The following HHIP variants were observed in gnomAD, a reference collection of about 807,000 sequenced individuals.
HHIP encodes hedgehog-interacting protein.
In HHIP, 12 loss-of-function variants were observed where a neutral mutation model predicts 74.0. The observed-to-expected ratio is 0.16, with a 90% CI of 0.10 to 0.26. The LOEUF is 0.26. Among genes scored for constraint, HHIP ranks in the 10% least tolerant of loss-of-function variants. The pLI is 1.00. For missense variants in HHIP, 788 were observed against 845.0 expected (o/e 0.93, Z 0.84); for synonymous variants, 309 against 311.6 (o/e 0.99, Z 0.09).
intron 4 of HHIP, among the ~76,000 whole-genome samples, chr4:144,703,403 A>G (rs1304290999): frequency 2.6e-5 from 4 of 152,196 alleles, no homozygotes; most frequent in African/African-American, 4.8e-5. Flanking sequence ...ACTCAGTTCA[A>G]TAATTGACAT....
At chr4:144,675,834 C>T (rs1729155751) in intron 4 of HHIP, among the ~76,000 whole-genome samples, 1 of 152,080 alleles carries the variant, frequency 6.6e-6, no homozygotes. Flanking sequence ...TGGAATATTT[C>T]CATAATCTCT....
intron 10 of HHIP, among the ~76,000 whole-genome samples, chr4:144,716,847 C>T (rs34559722): frequency 2.6e-5 from 2 of 76,472 alleles, no homozygotes; most frequent in South Asian, 8.1e-4. Context: ...AAAACTCCGT[C>T]TCAAAAGAAA....
chr4:144,701,278 G>A (rs17019634), intron 4 of HHIP, among the ~76,000 whole-genome samples: 2 of 150,954 alleles, frequency 1.3e-5, no homozygotes, highest in African/African-American at 2.4e-5. Flanking sequence ...TAGAAACTCC[G>A]CTTACTTCTT....
rs1158625028 is a variant in HHIP at position 144,741,020 on chromosome 4, C to T, written c.*3063C>T. 2.0e-5 allele frequency: 3 copies of T among 152,100 alleles called. No homozygotes were observed. Among genetic ancestry groups the T allele is most frequent in the Admixed American group, 1.3e-4 (2 of 15,268 alleles). 9.4% of individuals were successfully genotyped at this position (152,100 alleles called of 1,614,324 possible). A position where few individuals can be genotyped will look rare whatever the true frequency, so the allele number is the denominator to read the frequency against. On this transcript the variant is annotated 3_prime_UTR_variant, in exon 13 of 13. Coordinates refer to ENST00000296575, the MANE Select transcript of HHIP (RefSeq NM_022475.3). ...GTTATTTAAGGTAATAAAAGGAACA[C>T]AATTTGGCAGATCTTTAAGTGAAAG...
intron 4 of HHIP, among the ~76,000 whole-genome samples, chr4:144,671,318 GT>G (rs59957249): frequency 0.52 from 74,283 of 142,656 alleles, 18,677 homozygotes; most frequent in South Asian, 0.76. Flanking sequence ...CAAGGAGGGT[GT>G]TTTTTTTTTT....
At position 144,740,300 on chromosome 4, in the gene HHIP, T is replaced by C. The variant is rs1412143289; in HGVS notation, c.*2343T>C. 2 of 152,200 alleles carry C rather than the reference T, an allele frequency of 1.3e-5. No homozygotes were observed. The highest frequency in any genetic ancestry group is 1.3e-4 in the Admixed American group (2 of 15,274). 9.4% of individuals were successfully genotyped at this position (152,200 alleles called of 1,614,324 possible). On this transcript the variant is annotated 3_prime_UTR_variant, in exon 13 of 13. Transcript: ENST00000296575. The stretch of plus-strand genomic sequence containing the variant: ...TAGTTCTACTGTTTTAAAATATCTA[T>C]ATTAAGTTGACCAGGCCCAGATTTT...
Position 144,742,983 on chromosome 4 carries a change from ACAT to A in HHIP, c.*5027_*5029del, listed in dbSNP as rs1560729154. On this transcript the variant is annotated 3_prime_UTR_variant, in exon 13 of 13. Coordinates refer to ENST00000296575, the MANE Select transcript of HHIP (RefSeq NM_022475.3). ...ATATAAGATATATGTATATATATAT[ACAT>A]TATATATATATAATATATATATATT... 208 of 1,970 alleles carry A rather than the reference ACAT, an allele frequency of 0.11. 2 individuals are homozygous for A. The highest frequency in any genetic ancestry group is 0.22 in the Non-Finnish European group (175 of 800). The allele number at this position is 1,970 out of a possible 1,614,324, so 0.1% of individuals were successfully genotyped here.
rs1731343016 is a variant in HHIP at position 144,744,895 on chromosome 4, C to T, written c.*6938C>T. 6.6e-6 allele frequency: 1 copy of T among 152,116 alleles called. No individual in the cohort carries two copies. The highest frequency in any genetic ancestry group is 2.1e-4 in the South Asian group (1 of 4,830). The allele number at this position is 152,116 out of a possible 1,614,324, so 9.4% of individuals were successfully genotyped here. A position where few individuals can be genotyped will look rare whatever the true frequency, so the allele number is the denominator to read the frequency against. ...ATTCAGCAGTAACAGTACAGATGGC[C>T]TAAAGTACATCTGTGTGTATCTGTA... On this transcript the variant is annotated 3_prime_UTR_variant, in exon 13 of 13. Transcript: ENST00000296575.
intron 4 of HHIP, among the ~76,000 whole-genome samples, chr4:144,689,335 A>G (rs144331648): frequency 2.0e-5 from 3 of 152,340 alleles, no homozygotes; most frequent in African/African-American, 4.8e-5. Flanking sequence ...CATCATAATG[A>G]TGACTGACTT....
intron 4 of HHIP, among the ~76,000 whole-genome samples, chr4:144,669,856 A>G (rs1260343567): frequency 6.6e-6 from 1 of 151,968 alleles, no homozygotes; most frequent in Non-Finnish European, 1.5e-5. Context: ...CTTTAAGAGT[A>G]GCTAAACTGG....
chr4:144,730,623 T>C (rs1730926924), intron 11 of HHIP, among the ~76,000 whole-genome samples: 1 of 152,142 alleles, frequency 6.6e-6, no homozygotes, highest in South Asian at 2.1e-4. Context: ...AGAAAATGGG[T>C]TAATGCATCA....
rs200709923 is a variant in HHIP, at chr4:144,646,636, C to A, written c.-40C>A. The A allele has an allele frequency of 3.1e-6, 5 of 1,591,270 alleles. No homozygotes were observed. The highest frequency in any genetic ancestry group is 2.7e-5 in the African/African-American group (2 of 74,462). On this transcript the variant is annotated 5_prime_UTR_variant, in exon 1 of 13. Coordinates refer to ENST00000296575, the MANE Select transcript of HHIP (RefSeq NM_022475.3). ...CCCTGCTGGGCAGTGGCGTTCCCCCCCATCCTCCCGCGCCCAGCCCCTGCT... is the reference window on the plus strand; with the variant it reads ...CCCTGCTGGGCAGTGGCGTTCCCCCACATCCTCCCGCGCCCAGCCCCTGCT...
At chr4:144,720,984 A>C (rs1730615451) in intron 11 of HHIP, among the ~76,000 whole-genome samples, 1 of 152,174 alleles carries the variant, frequency 6.6e-6, no homozygotes, top group African/African-American at 2.4e-5. Context: ...TTGTTTTTCT[A>C]AAATTTTTGA....
intron 4 of HHIP, among the ~76,000 whole-genome samples, chr4:144,671,866 C>A (rs1455253052): frequency 6.6e-6 from 1 of 152,094 alleles, no homozygotes; most frequent in Non-Finnish European, 1.5e-5. Flanking sequence ...CACCTGTAAT[C>A]TCAGCTACTT....
chr4:144,692,984 G>A (rs1171905897), intron 4 of HHIP, among the ~76,000 whole-genome samples: 1 of 152,132 alleles, frequency 6.6e-6, no homozygotes, highest in Non-Finnish European at 1.5e-5. Context: ...GACACATGAG[G>A]ACATGGAAGC....
intron 4 of HHIP, among the ~76,000 whole-genome samples, chr4:144,687,711 A>G (rs1450690642): frequency 6.9e-6 from 1 of 144,276 alleles, no homozygotes; most frequent in Non-Finnish European, 1.5e-5. Context: ...TGGTCTAGTC[A>G]GTGCTTTAGA....
At chr4:144,688,462 G>A (rs1209436846) in intron 4 of HHIP, among the ~76,000 whole-genome samples, 1 of 152,124 alleles carries the variant, frequency 6.6e-6, no homozygotes, top group African/African-American at 2.4e-5. Context: ...TGGGGAAAAG[G>A]CACACCTGTG....
At chr4:144,697,602 G>A (rs373435027) in intron 4 of HHIP, among the ~76,000 whole-genome samples, 4 of 152,162 alleles carry the variant, frequency 2.6e-5, no homozygotes, top group Middle Eastern at 3.4e-3. Context: ...CTAATATGCC[G>A]TAATGTATCA....
chr4:144,716,979 T>C (rs1286997984), intron 10 of HHIP, among the ~76,000 whole-genome samples: 1 of 151,258 alleles, frequency 6.6e-6, no homozygotes, highest in East Asian at 1.9e-4. Flanking sequence ...CTACAAATGA[T>C]TCATCATCAC....
Sources: allele counts gnomAD v4.1 joint callset (sites outside exome capture counted in the v4.1 genomes callset), GRCh38; gene constraint gnomAD v4.1.1; transcripts MANE v1.5; gene names NCBI Gene and HGNC (gene_info 2026-07-23, HGNC 2026-07-21).